The following FAAH2 variants were observed in gnomAD, a reference collection of about 807,000 sequenced individuals.
FAAH2 encodes fatty acid amide hydrolase 2.
Under a neutral mutation model 36.9 loss-of-function variants are expected in FAAH2, and 60 were observed. The ratio of observed to expected loss-of-function variants is 1.63; its 90% CI spans 1.32 to 2.02. The LOEUF (loss-of-function observed/expected upper bound fraction) is 2.02. Ranked by LOEUF, FAAH2 falls within the 30% of genes most tolerant of loss-of-function variation. The pLI is 0.00. For synonymous variants in FAAH2, 214 were observed against 143.8 expected, an observed-to-expected ratio of 1.49 and a Z score of -3.49; for missense variants, 689 against 397.5, an observed-to-expected ratio of 1.73 and a Z score of -6.23.
the FAAH2 span, among the ~76,000 whole-genome samples, chrX:57,160,786 T>C: frequency 8.9e-6 from 1 of 112,111 alleles, no homozygotes; most frequent in Non-Finnish European, 1.9e-5. Flanking sequence ...GTCTTTCAAT[T>C]TTGTTGATCT....
chrX:57,246,356 T>A, the FAAH2 span, among the ~76,000 whole-genome samples: 1 of 111,688 alleles, frequency 9.0e-6, no homozygotes, highest in Admixed American at 9.5e-5. Flanking sequence ...AAAAAGGGAA[T>A]CCTCCTTAAC....
intron 10 of FAAH2, among the ~76,000 whole-genome samples, chrX:57,476,940 G>A (rs1234379387): frequency 1.8e-5 from 2 of 110,360 alleles, no homozygotes; most frequent in Non-Finnish European, 3.8e-5. Flanking sequence ...GGGTGTATGT[G>A]TCCAGGAATT....
the FAAH2 span, among the ~76,000 whole-genome samples, chrX:57,267,324 C>T: frequency 3.5e-5 from 4 of 113,131 alleles, no homozygotes; most frequent in East Asian, 8.4e-4. Context: ...TTGGCTGGCA[C>T]AGAGCCAGTA....
At chrX:57,149,608 C>T in the FAAH2 span, among the ~76,000 whole-genome samples, 3 of 111,264 alleles carry the variant, frequency 2.7e-5, no homozygotes, top group Non-Finnish European at 5.7e-5. Context: ...GTGATATCCC[C>T]TTTGTCATTT....
chrX:57,251,626 C>T, the FAAH2 span, among the ~76,000 whole-genome samples: 1 of 111,894 alleles, frequency 8.9e-6, no homozygotes, highest in Non-Finnish European at 1.9e-5. Context: ...ACTGTTAAAA[C>T]TAACAAATTC....
At chrX:57,377,991 C>G (rs765947632) in intron 5 of FAAH2, among the ~76,000 whole-genome samples, 6 of 111,729 alleles carry the variant, frequency 5.4e-5, no homozygotes, top group African/African-American at 2.0e-4. Flanking sequence ...GATTTTGTAT[C>G]CTGAGACTTT....
the FAAH2 span, among the ~76,000 whole-genome samples, chrX:57,184,624 G>T: frequency 8.9e-6 from 1 of 112,724 alleles, no homozygotes; most frequent in Non-Finnish European, 1.9e-5. Flanking sequence ...TTTCTGAACA[G>T]TAAAAGTTCC....
At chrX:57,229,014 G>T in the FAAH2 span, 2 of 111,156 alleles carry the variant, frequency 1.8e-5, no homozygotes, top group South Asian at 7.7e-4. Context: ...CTCCTCCTTT[G>T]TTCCCCTTCC....
chrX:57,300,301 C>T (rs1210238726), intron 2 of FAAH2, among the ~76,000 whole-genome samples: 3 of 111,102 alleles, frequency 2.7e-5, no homozygotes, highest in Non-Finnish European at 5.7e-5. Flanking sequence ...GAAACAATGC[C>T]GCATATCTAC....
At chrX:57,157,113 C>A in the FAAH2 span, among the ~76,000 whole-genome samples, 1 of 111,543 alleles carries the variant, frequency 9.0e-6, no homozygotes, top group Non-Finnish European at 1.9e-5. Context: ...TGAGCTGATA[C>A]CCAGTTGCAA....
At chrX:57,139,588 G>A in the FAAH2 span, among the ~76,000 whole-genome samples, 1 of 110,987 alleles carries the variant, frequency 9.0e-6, no homozygotes, top group African/African-American at 3.3e-5. Flanking sequence ...CGAGTAGCTG[G>A]AACCACAGGT....
intron 7 of FAAH2, among the ~76,000 whole-genome samples, chrX:57,401,203 G>C (rs753418645): frequency 1.8e-5 from 2 of 111,964 alleles, no homozygotes; most frequent in Non-Finnish European, 3.8e-5. Context: ...GCAGCTAAAA[G>C]TAAATCATCC....
chrX:57,386,221 G>A (rs2055019617), intron 7 of FAAH2, among the ~76,000 whole-genome samples: 1 of 111,268 alleles, frequency 9.0e-6, no homozygotes, highest in Non-Finnish European at 1.9e-5. Flanking sequence ...AATGATAGAG[G>A]ATTATTAACA....
chrX:57,311,460 A>G (rs1329291165), intron 3 of FAAH2, among the ~76,000 whole-genome samples: 1 of 111,846 alleles, frequency 8.9e-6, no homozygotes, highest in African/African-American at 3.2e-5. Flanking sequence ...TGGGTGTATG[A>G]GCTGGCAGGA....
rs766526985 is a variant in FAAH2 at position 57,381,049 on chromosome X, G to C, written c.996+20G>C. 3 of 1,092,793 alleles carry C rather than the reference G, an allele frequency of 2.7e-6. No homozygotes were observed. Among genetic ancestry groups the C allele is most frequent in the Admixed American group, 4.8e-5 (2 of 41,302 alleles). 90.1% of individuals were successfully genotyped at this position (1,092,793 alleles called of 1,213,427 possible). The stretch of plus-strand genomic sequence containing the variant: ...AAAAAGGTAATTTTAAATAAAATTT[G>C]TTTAGGAATTATTTTTAGTCAAAGA... On this transcript the variant is annotated intron_variant, in intron 7 of 10. Transcript: ENST00000374900.
the FAAH2 span, among the ~76,000 whole-genome samples, chrX:57,232,665 T>C: frequency 8.9e-6 from 1 of 112,318 alleles, no homozygotes; most frequent in Non-Finnish European, 1.9e-5. Context: ...TTATATTCCT[T>C]TGCCAGTTTA....
chrX:57,307,980 C>A, intron 2 of FAAH2, among the ~76,000 whole-genome samples: 1 of 110,721 alleles, frequency 9.0e-6, no homozygotes, highest in Non-Finnish European at 1.9e-5. Context: ...TGATTTCATT[C>A]TTTCTGTGGC....
intron 10 of FAAH2, among the ~76,000 whole-genome samples, chrX:57,466,126 T>C (rs1257016437): frequency 1.9e-5 from 1 of 53,125 alleles, no homozygotes; most frequent in African/African-American, 5.9e-5. Flanking sequence ...TATTGTTGGA[T>C]TATCTCTCTC....
the FAAH2 span, among the ~76,000 whole-genome samples, chrX:57,149,673 G>A: frequency 1.8e-5 from 2 of 110,052 alleles, no homozygotes; most frequent in Admixed American, 9.7e-5. Flanking sequence ...TCTTGCTAGC[G>A]GTCTATCAAT....
Sources: allele counts gnomAD v4.1 joint callset (sites outside exome capture counted in the v4.1 genomes callset), GRCh38; gene constraint gnomAD v4.1.1; transcripts MANE v1.5; gene names NCBI Gene and HGNC (gene_info 2026-07-23, HGNC 2026-07-21).